PARD3B: variants seen among roughly 807,000 people sequenced by gnomAD.
PARD3B encodes the protein par-3 family cell polarity regulator beta, also known as partitioning defective 3 homolog B.
A neutral mutation model predicts 130.2 loss-of-function variants in PARD3B; 103 were observed. The ratio of observed to expected loss-of-function variants is 0.79; its 90% confidence interval spans 0.67 to 0.93. The LOEUF (loss-of-function observed/expected upper bound fraction) is 0.93. PARD3B is among the 40% of genes least tolerant of loss of function. PARD3B has a pLI of 0.00. For missense variants in PARD3B, 1,609 were observed against 1,499.2 expected, an observed-to-expected ratio of 1.07 and a Z score of -1.21; for synonymous variants, 583 against 553.2, an observed-to-expected ratio of 1.05 and a Z score of -0.76.
chr2:205,576,010 G>T (rs2053745085), intron 22 of PARD3B, among the ~76,000 whole-genome samples: 3 of 152,140 alleles, frequency 2.0e-5, no homozygotes, highest in Non-Finnish European at 4.4e-5. Context: ...GAGAGTTCCT[G>T]TTGCTCCACA....
At chr2:204,727,014 G>A (rs1201064690) in intron 2 of PARD3B, among the ~76,000 whole-genome samples, 2 of 152,106 alleles carry the variant, frequency 1.3e-5, no homozygotes, top group Admixed American at 6.6e-5. Context: ...CGCCCTGCAC[G>A]TTCTGCTGTT....
At chr2:204,627,405 A>G (rs1387593918) in intron 1 of PARD3B, among the ~76,000 whole-genome samples, 1 of 152,196 alleles carries the variant, frequency 6.6e-6, no homozygotes, top group African/African-American at 2.4e-5. Context: ...TAGAATGTAC[A>G]TATCTTATGT....
At chr2:205,364,464 C>T (rs902510875) in intron 18 of PARD3B, among the ~76,000 whole-genome samples, 15 of 152,232 alleles carry the variant, frequency 9.9e-5, no homozygotes, top group Non-Finnish European at 2.9e-5. Flanking sequence ...GATGCAGCCA[C>T]ATTCTCAGGT....
At chr2:205,286,085 A>C (rs1388236605) in intron 16 of PARD3B, among the ~76,000 whole-genome samples, 1 of 152,228 alleles carries the variant, frequency 6.6e-6, no homozygotes, top group African/African-American at 2.4e-5. Context: ...AGAACAAGGC[A>C]GGGAATATAA....
At chr2:205,043,488 A>T (rs1207666035) in intron 3 of PARD3B, among the ~76,000 whole-genome samples, 1 of 152,184 alleles carries the variant, frequency 6.6e-6, no homozygotes, top group African/African-American at 2.4e-5. Flanking sequence ...CAAAGGCTCA[A>T]TCTGTTTGAC....
At position 205,558,237 on chromosome 2, in the gene PARD3B, T is replaced by C. The variant is rs1161662342; in HGVS notation, c.3260+4834T>C. ...CAAGACTTGGGTGCAGGAGTAGGCA[T>C]TGCTCCAGTGGTAGAGGCCATACCC... On this transcript the variant is annotated intron_variant, in intron 22 of 22. Transcript: ENST00000406610. This position sits in a 1 kb window ranked among gnomAD's most constrained non-coding sequence, Gnocchi z 4.8. Among the ~76,000 whole-genome samples the C allele has an allele frequency of 6.6e-6, 1 of 152,106 alleles. No homozygotes were observed. The highest frequency in any genetic ancestry group is 1.5e-5 in the Non-Finnish European group (1 of 68,010).
intron 1 of PARD3B, among the ~76,000 whole-genome samples, chr2:204,608,753 T>C (rs576180161): frequency 6.6e-6 from 1 of 152,318 alleles, no homozygotes; most frequent in East Asian, 1.9e-4. Context: ...CTCCTGCATA[T>C]GCATACAAGA....
intron 1 of PARD3B, among the ~76,000 whole-genome samples, chr2:204,654,433 A>G (rs2035580554): frequency 6.6e-6 from 1 of 151,474 alleles, no homozygotes; most frequent in South Asian, 2.1e-4. Flanking sequence ...ATCATCACAG[A>G]TAACTCTGTT....
At chr2:205,217,966 C>T (rs1249664279) in intron 15 of PARD3B, among the ~76,000 whole-genome samples, 5 of 145,594 alleles carry the variant, frequency 3.4e-5, no homozygotes, top group Non-Finnish European at 7.5e-5. Context: ...TACAATGGCT[C>T]ACTGCAACCT....
chr2:204,898,440 C>T (rs1296131673), intron 2 of PARD3B, among the ~76,000 whole-genome samples: 5 of 152,040 alleles, frequency 3.3e-5, no homozygotes, highest in Admixed American at 2.0e-4. Context: ...ATCCACACTT[C>T]CCCCATCCAC....
chr2:205,474,740 T>C (rs1487313510), intron 20 of PARD3B, among the ~76,000 whole-genome samples: 1 of 152,156 alleles, frequency 6.6e-6, no homozygotes, highest in South Asian at 2.1e-4. Context: ...TTGAAGGAAA[T>C]AATGCTTCCA....
At chr2:205,398,191 C>T (rs776843690) in intron 18 of PARD3B, among the ~76,000 whole-genome samples, 14 of 152,052 alleles carry the variant, frequency 9.2e-5, no homozygotes, top group Non-Finnish European at 1.9e-4. Context: ...ATCTCAGCTA[C>T]TTGGGAGGCT....
intron 2 of PARD3B, among the ~76,000 whole-genome samples, chr2:204,743,941 A>G (rs934475284): frequency 6.6e-6 from 1 of 152,138 alleles, no homozygotes; most frequent in Admixed American, 6.6e-5. Flanking sequence ...AACTAGGACT[A>G]CCTTGGAGTA....
At chr2:205,153,748 C>T (rs1260581628) in intron 10 of PARD3B, among the ~76,000 whole-genome samples, 8 of 152,042 alleles carry the variant, frequency 5.3e-5, no homozygotes, top group Middle Eastern at 3.2e-3. Context: ...ACCATACATC[C>T]GTAACCATCT....
chr2:205,071,101 C>T (rs1324606083), intron 4 of PARD3B, among the ~76,000 whole-genome samples: 2 of 152,026 alleles, frequency 1.3e-5, no homozygotes, highest in Non-Finnish European at 2.9e-5. Flanking sequence ...TCTTTGGCTT[C>T]TTTCTTATCA....
At chr2:204,587,391 G>A (rs1440298093) in intron 1 of PARD3B, among the ~76,000 whole-genome samples, 1 of 152,062 alleles carries the variant, frequency 6.6e-6, no homozygotes, top group African/African-American at 2.4e-5. Context: ...TACTTTCAGC[G>A]GGATTTTATT....
chr2:205,464,296 T>C (rs2048549442), intron 20 of PARD3B, among the ~76,000 whole-genome samples: 1 of 152,200 alleles, frequency 6.6e-6, no homozygotes, highest in Admixed American at 6.5e-5. Context: ...GATAAATCAA[T>C]GAATGAATGA....
intron 6 of PARD3B, among the ~76,000 whole-genome samples, chr2:205,117,713 C>T (rs182836402): frequency 6.6e-6 from 1 of 152,264 alleles, no homozygotes; most frequent in East Asian, 1.9e-4. Context: ...AAGTGCAGAT[C>T]ACAGTTTCTC....
intron 18 of PARD3B, among the ~76,000 whole-genome samples, chr2:205,396,688 T>A (rs1168717836): frequency 6.6e-6 from 1 of 152,206 alleles, no homozygotes; most frequent in Admixed American, 6.5e-5. Context: ...TAGGAAAATA[T>A]CTTTTATATA....
Sources: gnomAD v4.1 joint callset for allele counts (sites outside exome capture counted in the v4.1 genomes callset) on GRCh38, gnomAD v4.1.1 for gene constraint, Gnocchi (gnomAD v3.1) non-coding constraint, MANE v1.5 for transcripts, NCBI Gene and HGNC (gene_info 2026-07-23, HGNC 2026-07-21) for gene names.